The following TRIM24 variants were observed in gnomAD, a reference collection of about 807,000 sequenced individuals.
TRIM24 encodes tripartite motif containing 24, also known as transcription intermediary factor 1-alpha.
TRIM24 carries 29 observed loss-of-function variants against 123.9 expected under a neutral mutation model. The ratio of observed to expected loss-of-function variants is 0.23; its 90% CI spans 0.17 to 0.32. The LOEUF (loss-of-function observed/expected upper bound fraction) is 0.32, where lower values mean the gene tolerates loss of function less well. Ranked by LOEUF, TRIM24 falls within the 10% of genes least tolerant of loss-of-function variation. The pLI is 1.00. For missense variants in TRIM24, 932 were observed against 1,295.3 expected (o/e 0.72, Z 4.31); for synonymous variants, 456 against 461.1 (o/e 0.99, Z 0.14).
At chr7:138,521,145 T>A (rs1796496591) in intron 4 of TRIM24, among the ~76,000 whole-genome samples, 1 of 152,218 alleles carries the variant, frequency 6.6e-6, no homozygotes, top group Admixed American at 6.5e-5. Context: ...CAAAATAAAC[T>A]GGGAGAGCAT....
intron 1 of TRIM24, among the ~76,000 whole-genome samples, chr7:138,483,412 A>G (rs1215272957): frequency 6.6e-6 from 1 of 152,236 alleles, no homozygotes; most frequent in Non-Finnish European, 1.5e-5. Flanking sequence ...CATGCTGCCT[A>G]AATTCTCCAT....
At chr7:138,490,297 A>T (rs1795751845) in intron 1 of TRIM24, among the ~76,000 whole-genome samples, 1 of 152,072 alleles carries the variant, frequency 6.6e-6, no homozygotes, top group Admixed American at 6.6e-5. Flanking sequence ...GGGTTTGAAC[A>T]TCCTCCTTTA....
chr7:138,489,984 A>G (rs1584695708), intron 1 of TRIM24, among the ~76,000 whole-genome samples: 1 of 152,214 alleles, frequency 6.6e-6, no homozygotes, highest in African/African-American at 2.4e-5. Context: ...ACTTTCAGGT[A>G]TACCGATCAG....
chr7:138,489,192 T>C (rs1795722834), intron 1 of TRIM24, among the ~76,000 whole-genome samples: 1 of 152,218 alleles, frequency 6.6e-6, no homozygotes, highest in Non-Finnish European at 1.5e-5. Context: ...TTGCTTTCCA[T>C]TTGCTTGGTA....
At chr7:138,555,482 A>ATTT (rs1203577540) in intron 9 of TRIM24, among the ~76,000 whole-genome samples, 2 of 138,510 alleles carry the variant, frequency 1.4e-5, no homozygotes, top group Non-Finnish European at 3.1e-5. Flanking sequence ...CTATAATCCA[A>ATTT]TTTTTTTTTT....
At chr7:138,508,664 T>A (rs1229145705) in intron 2 of TRIM24, among the ~76,000 whole-genome samples, 3 of 72,898 alleles carry the variant, frequency 4.1e-5, no homozygotes, top group African/African-American at 1.3e-4. Context: ...ATAAGAGGAG[T>A]GTGTGTGTGT....
chr7:138,464,038 G>C (rs1284138720), intron 1 of TRIM24, among the ~76,000 whole-genome samples: 5 of 110,696 alleles, frequency 4.5e-5, no homozygotes, highest in African/African-American at 1.5e-4. Context: ...TCTGTCGCCC[G>C]GGCTGGAGTG....
intron 7 of TRIM24, among the ~76,000 whole-genome samples, chr7:138,549,645 C>CA (rs2116627694): frequency 6.6e-6 from 1 of 152,146 alleles, no homozygotes; most frequent in Admixed American, 6.5e-5. Flanking sequence ...GAATAGGAGA[C>CA]GGTAAACCTA....
intron 2 of TRIM24, among the ~76,000 whole-genome samples, chr7:138,511,129 C>G: frequency 6.6e-6 from 1 of 152,102 alleles, no homozygotes; most frequent in Non-Finnish European, 1.5e-5. Context: ...TTAATTGGCT[C>G]ACGGTTTCAC....
chr7:138,533,361 A>G (rs1033519762), intron 6 of TRIM24, among the ~76,000 whole-genome samples: 23 of 152,088 alleles, frequency 1.5e-4, no homozygotes, highest in African/African-American at 5.1e-4. Context: ...GTTTGTCATA[A>G]ATAGCTCTTA....
chr7:138,567,009 C>T (rs1320267368), intron 9 of TRIM24, among the ~76,000 whole-genome samples: 2 of 152,108 alleles, frequency 1.3e-5, no homozygotes, highest in Non-Finnish European at 2.9e-5. Context: ...AATAATATTG[C>T]TAAGAATAAA....
At position 138,519,288 on chromosome 7, in the gene TRIM24, G is replaced by A. The variant is rs1415292862; in HGVS notation, c.731G>A (p.Arg244Gln). The A allele has an allele frequency of 1.9e-6, 3 of 1,613,150 alleles. No homozygotes were observed. The highest frequency in any genetic ancestry group is 1.1e-5 in the South Asian group (1 of 90,832). The change falls in exon 4 of 19, where the codon CGA (arginine) becomes CAA (glutamine). Residue 244 changes from arginine to glutamine, a missense_variant. Arg to Gln is a conservative substitution (Grantham distance 43). Transcript: ENST00000343526. ...GAGACATGTGACAAACTGACATGTCGAGACTGTCAGTTGTTAGAACATAAA... is the reference window on the plus strand; with the variant it reads ...GAGACATGTGACAAACTGACATGTCAAGACTGTCAGTTGTTAGAACATAAA... ...YCETCDKLTC[R>Q]DCQLLEHKEH...
At chr7:138,537,107 G>A (rs375042015) in intron 6 of TRIM24, among the ~76,000 whole-genome samples, 10 of 152,196 alleles carry the variant, frequency 6.6e-5, no homozygotes, top group South Asian at 2.1e-4. Context: ...TCCAGGTGCC[G>A]TCTGTCACAG....
chr7:138,512,232 A>C (rs1796304627), intron 2 of TRIM24, among the ~76,000 whole-genome samples: 1 of 152,078 alleles, frequency 6.6e-6, no homozygotes, highest in Non-Finnish European at 1.5e-5. Flanking sequence ...GGTTGCTCTC[A>C]TGGGTTGACA....
chr7:138,515,065 C>A, intron 2 of TRIM24, 147 bp from the exon 3 acceptor site: 1 of 611,346 alleles, frequency 1.6e-6, no homozygotes, highest in Non-Finnish European at 2.7e-6. Context: ...TATAATGTAA[C>A]ACACAAGGTC....
chr7:138,515,392 C>A, intron 3 of TRIM24, 33 bp downstream of exon 3: 2 of 1,603,136 alleles, frequency 1.2e-6, no homozygotes, highest in Non-Finnish European at 1.7e-6. Context: ...TTTTTTCCTT[C>A]TATCTTTCCC....
At chr7:138,470,332 T>C (rs940577320) in intron 1 of TRIM24, among the ~76,000 whole-genome samples, 1 of 152,040 alleles carries the variant, frequency 6.6e-6, no homozygotes, top group African/African-American at 2.4e-5. Context: ...GGTTTCACTA[T>C]GTTGGTCAGG....
chr7:138,527,388 T>A (rs1373531211), intron 5 of TRIM24, among the ~76,000 whole-genome samples: 1 of 152,256 alleles, frequency 6.6e-6, no homozygotes, highest in Non-Finnish European at 1.5e-5. Context: ...TACATATCTT[T>A]ATAGCCTATG....
intron 4 of TRIM24, among the ~76,000 whole-genome samples, chr7:138,522,881 AAC>A (rs1796532779): frequency 6.6e-6 from 1 of 152,222 alleles, no homozygotes; most frequent in Non-Finnish European, 1.5e-5. Flanking sequence ...GATGGTAGAA[AAC>A]ATTTTCATCT....
Sources: gnomAD v4.1 joint callset for allele counts (sites outside exome capture counted in the v4.1 genomes callset) on GRCh38, gnomAD v4.1.1 for gene constraint, MANE v1.5 for transcripts, NCBI Gene and HGNC (gene_info 2026-07-23, HGNC 2026-07-21) for gene names.